SRGAP3: variants seen among roughly 807,000 people sequenced by gnomAD.
The protein encoded by SRGAP3 is SLIT-ROBO Rho GTPase-activating protein 3.
In SRGAP3, 39 loss-of-function variants were observed where a neutral mutation model predicts 121.1. That is an observed-to-expected ratio of 0.32 (90% CI 0.25 to 0.42). SRGAP3 has a LOEUF of 0.42. SRGAP3 is among the 10% of genes least tolerant of loss of function. The pLI is 1.00. For synonymous variants in SRGAP3, 601 were observed against 570.0 expected, an observed-to-expected ratio of 1.05 and a Z score of -0.77; for missense variants, 1,213 against 1,470.6, an observed-to-expected ratio of 0.82 and a Z score of 2.86.
At chr3:9,011,596 A>G (rs1429877438) in intron 17 of SRGAP3, among the ~76,000 whole-genome samples, 2 of 152,190 alleles carry the variant, frequency 1.3e-5, no homozygotes, top group African/African-American at 2.4e-5. Flanking sequence ...TTCCCCCAGG[A>G]AGCCCTTCCT....
intron 18 of SRGAP3, among the ~76,000 whole-genome samples, chr3:8,995,815 T>C (rs1266349551): frequency 6.6e-6 from 1 of 152,266 alleles, no homozygotes; most frequent in Non-Finnish European, 1.5e-5. Context: ...GTTTTAATAT[T>C]TTAAAGTAAG....
chr3:9,102,799 G>A (rs991657250), intron 3 of SRGAP3, among the ~76,000 whole-genome samples: 18 of 152,168 alleles, frequency 1.2e-4, no homozygotes, highest in African/African-American at 4.3e-4. Flanking sequence ...GCCTAAATGA[G>A]AACTGAAAAG....
chr3:9,027,151 A>G (rs112732184), intron 12 of SRGAP3, among the ~76,000 whole-genome samples, 156 bp from the exon 13 acceptor site: 86 of 152,324 alleles, frequency 5.6e-4, no homozygotes, highest in African/African-American at 2.0e-3. Flanking sequence ...GTCTCCACGG[A>G]CAGTTACAAT....
chr3:9,185,998 A>G (rs929526608), intron 1 of SRGAP3, among the ~76,000 whole-genome samples: 1 of 152,224 alleles, frequency 6.6e-6, no homozygotes, highest in Non-Finnish European at 1.5e-5. Context: ...AACCTAGCTA[A>G]GTGTTGGGAA....
rs1009903808 is a variant in SRGAP3 at position 9,140,122 on chromosome 3, T to C, written c.68-15205A>G. Among the ~76,000 whole-genome samples, 12 of 140,010 alleles carry C rather than the reference T, an allele frequency of 8.6e-5. 1 individual carries two copies. The highest frequency in any genetic ancestry group is 2.8e-4 in the Admixed American group (4 of 14,222). The allele number at this position is 140,010 out of a possible 152,430, so 91.9% of individuals were successfully genotyped here. A position where few individuals can be genotyped will look rare whatever the true frequency, so the allele number is the denominator to read the frequency against. On this transcript the variant is annotated intron_variant, in intron 1 of 21. Transcript: ENST00000383836. ...AATTCTCCTTCTAGGCTCAGAGGCATACACACACACACACACACACACACA... is the reference window on the plus strand; with the variant it reads ...AATTCTCCTTCTAGGCTCAGAGGCACACACACACACACACACACACACACA...
chr3:8,980,956 C>G lies in SRGAP3; in HGVS notation c.*4563G>C, dbSNP rs1395619385. On this transcript the variant is annotated 3_prime_UTR_variant, in exon 22 of 22. Coordinates refer to ENST00000383836, the MANE Select transcript of SRGAP3 (RefSeq NM_014850.4). ...AGAAACCCTAGCCAGGATCTACTTC[C>G]GTCTAAGGAAGGAAAAGTGCACTCT... is the stretch of plus-strand genomic sequence containing the variant. 4.3e-6 allele frequency: 1 copy of G among 233,274 alleles called. No homozygotes were observed. Among genetic ancestry groups the G allele is most frequent in the Admixed American group, 5.6e-5 (1 of 17,764 alleles). 14.5% of individuals were successfully genotyped at this position (233,274 alleles called of 1,614,324 possible).
intron 3 of SRGAP3, among the ~76,000 whole-genome samples, chr3:9,313,332 C>A (rs1367317373): frequency 6.6e-6 from 1 of 152,186 alleles, no homozygotes; most frequent in East Asian, 1.9e-4. Flanking sequence ...AAATTACAAG[C>A]CCTTTCCCTG....
chr3:9,025,389 G>C (rs778596228), intron 13 of SRGAP3, 51 bp from the exon 14 acceptor site: 2 of 1,577,420 alleles, frequency 1.3e-6, no homozygotes, highest in Non-Finnish European at 1.7e-6. Flanking sequence ...GAGACCTTGA[G>C]TTCATTAGAC....
rs571421429 is a variant in SRGAP3 at position 9,042,851 on chromosome 3, G to A, written c.1408+4540C>T. Among the ~76,000 whole-genome samples, 10 of 152,232 alleles carry A rather than the reference G, an allele frequency of 6.6e-5. No individual in the cohort carries two copies. In the East Asian group the frequency reaches 1.5e-3, roughly 24 times the overall value. ...TCCCCCTCCTCTGGGTTCCCAAACC[G>A]TCCACTCTTCTGTGTACTCAACAAG... On this transcript the variant is annotated intron_variant, in intron 10 of 21. Transcript: ENST00000383836.
intron 3 of SRGAP3, among the ~76,000 whole-genome samples, chr3:9,290,320 A>T (rs762583738): frequency 1.2e-4 from 19 of 152,206 alleles, no homozygotes; most frequent in Non-Finnish European, 2.5e-4. Context: ...CTTTTCTGCC[A>T]TACTGCAAGA....
At chr3:9,193,109 G>C (rs567244427) in intron 1 of SRGAP3, 3 of 152,350 alleles carry the variant, frequency 2.0e-5, no homozygotes, top group East Asian at 3.9e-4. Flanking sequence ...TGGGGTGAGG[G>C]AGACAAGTCA....
At chr3:9,007,519 G>C (rs563477430) in intron 18 of SRGAP3, 6 of 152,116 alleles carry the variant, frequency 3.9e-5, no homozygotes, top group Non-Finnish European at 8.8e-5. Flanking sequence ...GGAGGTTCTG[G>C]TTGCCAATGA....
intron 1 of SRGAP3, among the ~76,000 whole-genome samples, chr3:9,189,873 C>T (rs1251633601): frequency 6.6e-6 from 1 of 152,192 alleles, no homozygotes; most frequent in East Asian, 1.9e-4. Flanking sequence ...CTCTTATTTT[C>T]CTATAATCCA....
rs536817219 is a variant in SRGAP3 at position 9,282,728 on chromosome 3, C to G, written n.442+43282G>C. On this transcript the variant is annotated intron_variant and non_coding_transcript_variant, in intron 3 of 3. Transcript: ENST00000490889. The stretch of plus-strand genomic sequence containing the variant: ...AACTCCTGACCTCAAGTGATTCGCC[C>G]ACCTCAGCCTCCCAAAGTGCTGGGA... Among the ~76,000 whole-genome samples the G allele has an allele frequency of 3.5e-4, 53 of 152,204 alleles. 1 individual carries two copies. The highest frequency in any genetic ancestry group is 1.1e-3 in the Admixed American group (17 of 15,296).
At position 9,281,675 on chromosome 3, in the gene SRGAP3, G is replaced by A. The variant is rs1446884010; in HGVS notation, n.442+44335C>T. ...CCCCAATTAGTAGATACTTTTGTTT[G>A]TTTGTTTGTTTGTTTGAGACAGGGT... On this transcript the variant is annotated intron_variant and non_coding_transcript_variant, in intron 3 of 3. Coordinates refer to the SRGAP3 transcript ENST00000490889. Among the ~76,000 whole-genome samples, 3 of 152,076 alleles carry A rather than the reference G, an allele frequency of 2.0e-5. No individual in the cohort carries two copies. In the East Asian group the frequency reaches 5.8e-4, roughly 29 times the overall value.
chr3:9,091,929 T>C (rs1249263279), intron 3 of SRGAP3, among the ~76,000 whole-genome samples: 1 of 152,186 alleles, frequency 6.6e-6, no homozygotes, highest in Non-Finnish European at 1.5e-5. Context: ...TGTCATCTAC[T>C]CATTTTTCAA....
intron 1 of SRGAP3, among the ~76,000 whole-genome samples, chr3:9,203,508 C>T (rs1316053893): frequency 6.6e-6 from 1 of 152,208 alleles, no homozygotes; most frequent in Non-Finnish European, 1.5e-5. Context: ...GCCTAGATGT[C>T]ACTTCCTCCA....
chr3:9,060,170 AGTGACAT>A, intron 6 of SRGAP3, 54 bp downstream of exon 6: 1 of 1,612,516 alleles, frequency 6.2e-7, no homozygotes, highest in Non-Finnish European at 8.5e-7. Context: ...TCCTTCAGCC[AGTGACAT>A]GTGCCAGCCC....
intron 3 of SRGAP3, among the ~76,000 whole-genome samples, chr3:9,267,023 C>T (rs1295932194): frequency 1.3e-5 from 2 of 152,160 alleles, no homozygotes; most frequent in South Asian, 4.1e-4. Flanking sequence ...GACCCAATCT[C>T]TTTTAGGAAA....
Sources: gnomAD v4.1 joint callset for allele counts (sites outside exome capture counted in the v4.1 genomes callset) on GRCh38, gnomAD v4.1.1 for gene constraint, MANE v1.5 for transcripts, NCBI Gene and HGNC (gene_info 2026-07-23, HGNC 2026-07-21) for gene names.